The following ISG20L2 variants were observed in gnomAD, a reference collection of about 807,000 sequenced individuals.
The protein encoded by ISG20L2 is interferon stimulated exonuclease gene 20 like 2.
Under a neutral mutation model 27.8 loss-of-function variants are expected in ISG20L2, and 14 were observed. The ratio of observed to expected loss-of-function variants is 0.50; its 90% CI spans 0.33 to 0.79. The LOEUF is 0.79. Ranked by LOEUF, ISG20L2 falls within the 30% of genes least tolerant of loss-of-function variation. The pLI is 0.02. For missense variants in ISG20L2, 393 were observed against 435.1 expected (o/e 0.90, Z 0.86); for synonymous variants, 157 against 165.7 (o/e 0.95, Z 0.40).
In ISG20L2 at chr1:156,724,311, T is replaced by G; in HGVS notation, c.785A>C (p.His262Pro). ...KILTGKIVVG[H>P]AIHNDFKALQ... ...GGCTTTGAAGTCGTTGTGGATGGCA[T>G]GCCCCACCACTATCTTCCCTGTGAG... The change falls in exon 3 of 4, where the codon CAT becomes CCT. Residue 262 changes from histidine (H) to proline (P), a missense_variant. By Grantham distance (77) the His-to-Pro change is moderately conservative. Transcript: ENST00000368219. The G allele has an allele frequency of 6.2e-7, 1 of 1,613,516 alleles. No individual in the cohort carries two copies. Among genetic ancestry groups the G allele is most frequent in the Non-Finnish European group, 8.5e-7 (1 of 1,179,512 alleles).
In ISG20L2 at chr1:156,724,159, G is replaced by C. The variant is rs771338416; in HGVS notation, c.937C>G (p.Arg313Gly). The C allele has an allele frequency of 6.2e-7, 1 of 1,613,730 alleles. No homozygotes were observed. Among genetic ancestry groups the C allele is most frequent in the Admixed American group, 1.7e-5 (1 of 59,974 alleles). The part of the protein sequence containing the change: ...LKHLTKKLLN[R>G]DIQVGKSGHS... Reference sequence around the variant, plus strand: ...TGGGGAGATGCTACCTGGATATCCCGGTTTAGCAGCTTCTTGGTGAGATGC... The same window carrying C: ...TGGGGAGATGCTACCTGGATATCCCCGTTTAGCAGCTTCTTGGTGAGATGC... The change falls in exon 3 of 4, where the codon CGG becomes GGG. Residue 313 changes from arginine (R) to glycine (G), a missense_variant. Around this residue, in one of 3 missense-constraint regions of ISG20L2, gnomAD observed 171 missense variants for 195.3 expected, o/e 0.88. Transcript: ENST00000368219.
In ISG20L2 at chr1:156,727,710, A is replaced by G; in HGVS notation, c.-58T>C. The G allele has an allele frequency of 5.8e-6, 9 of 1,559,974 alleles. No homozygotes were observed. The highest frequency in any genetic ancestry group is 7.8e-6 in the Non-Finnish European group (9 of 1,160,150). ...AGAGTGGCTTATGGATGAAAAGAGG[A>G]TGTGGGACTCATTCTCTGCTGAATC... On this transcript the variant is annotated 5_prime_UTR_variant, in exon 2 of 4. Transcript: ENST00000368219.
rs954493872 is a variant in ISG20L2 at position 156,728,557 on chromosome 1, C to G, written c.-260G>C. 1 of 985,208 alleles carries G rather than the reference C, an allele frequency of 1.0e-6. No homozygotes were observed. Among genetic ancestry groups the G allele is most frequent in the Non-Finnish European group, 1.2e-6 (1 of 829,782 alleles). 61.0% of individuals were successfully genotyped at this position (985,208 alleles called of 1,614,324 possible). A position where few individuals can be genotyped will look rare whatever the true frequency, so the allele number is the denominator to read the frequency against. ...GCGCACACCCGCACCGCCCCGACCC[C>G]AGGTAGTGAGGCCAGTGATTCCGAG... On this transcript the variant is annotated 5_prime_UTR_variant, in exon 1 of 4. Coordinates refer to ENST00000368219, the MANE Select transcript of ISG20L2 (RefSeq NM_001370150.2).
intron 1 of ISG20L2, 134 bp downstream of exon 1, chr1:156,728,281 G>A (rs1269619430): frequency 1.0e-5 from 10 of 985,740 alleles, no homozygotes; most frequent in Non-Finnish European, 1.1e-5. Flanking sequence ...TCTCACCCAA[G>A]TCCTTCTCCC....
chr1:156,728,482 G>C lies in ISG20L2; in HGVS notation c.-185C>G, dbSNP rs1356611928. ...GATGCGGAAATCGGTGCGCGCCGAC[G>C]AAGCCCGGGAAGGCAGGCGCGCGGG... On this transcript the variant is annotated 5_prime_UTR_variant, in exon 1 of 4. Coordinates refer to ENST00000368219, the MANE Select transcript of ISG20L2 (RefSeq NM_001370150.2). 5 of 985,640 alleles carry C rather than the reference G, an allele frequency of 5.1e-6. No homozygotes were observed. The highest frequency in any genetic ancestry group is 6.0e-6 in the Non-Finnish European group (5 of 829,936). The allele number at this position is 985,640 out of a possible 1,614,324, so 61.1% of individuals were successfully genotyped here. A position where few individuals can be genotyped will look rare whatever the true frequency, so the allele number is the denominator to read the frequency against.
Position 156,727,111 on chromosome 1 carries a change from G to T in ISG20L2, c.542C>A (p.Ala181Glu). Residue 181 changes from alanine (A) to glutamate (E), a missense_variant, in exon 2 of 4, where the codon GCA becomes GAA. Ala to Glu is a moderately radical substitution (Grantham distance 107). Transcript: ENST00000368219. ...TGTGCCCACCATCTCACAGTCAATTGCCACCATCTTCCGTGGCAACTTCTG... is the reference window on the plus strand; with the variant it reads ...TGTGCCCACCATCTCACAGTCAATTTCCACCATCTTCCGTGGCAACTTCTG... ...ASQKLPRKMVAIDCEMVGTGP... is the reference protein window; with the variant it reads ...ASQKLPRKMVEIDCEMVGTGP... 6.2e-7 allele frequency: 1 copy of T among 1,614,158 alleles called. No individual in the cohort carries two copies. Among genetic ancestry groups the T allele is most frequent in the Non-Finnish European group, 8.5e-7 (1 of 1,180,034 alleles).
Position 156,727,331 on chromosome 1 carries a change from T to G in ISG20L2, c.322A>C (p.Lys108Gln). Residue 108 changes from lysine to glutamine, a missense_variant, in exon 2 of 4, where the codon AAG (lysine) becomes CAG (glutamine). Around this residue, in one of 3 missense-constraint regions of ISG20L2, gnomAD observed 183 missense variants for 168.2 expected, o/e 1.09. Transcript: ENST00000368219. Reference protein sequence around the residue: ...VSWLTPAPSKKADSVAAKVDL... With the variant: ...VSWLTPAPSKQADSVAAKVDL... ...ACTTTAGCAGCAACAGAATCAGCCTTTTTTGAAGGGGCAGGGGTCAACCAA... is the reference window on the plus strand; with the variant it reads ...ACTTTAGCAGCAACAGAATCAGCCTGTTTTGAAGGGGCAGGGGTCAACCAA... The G allele has an allele frequency of 6.2e-7, 1 of 1,614,204 alleles. No homozygotes were observed. Among genetic ancestry groups the G allele is most frequent in the South Asian group, 1.1e-5 (1 of 91,080 alleles).
rs552029975 is a variant in ISG20L2, at chr1:156,723,927, T to C, written c.948+221A>G. The C allele has an allele frequency of 9.9e-6, 13 of 1,315,408 alleles. No homozygotes were observed. The South Asian group carries it at 1.6e-4, about 16-fold the overall frequency. The allele number at this position is 1,315,408 out of a possible 1,614,324, so 81.5% of individuals were successfully genotyped here. ...CCTGCTTTCTTCCTTAGTTAGGGTTTTATATCTACTTAGGACTTTTTCCCT... is the reference window on the plus strand; with the variant it reads ...CCTGCTTTCTTCCTTAGTTAGGGTTCTATATCTACTTAGGACTTTTTCCCT... On this transcript the variant is annotated intron_variant, in intron 3 of 3. Coordinates refer to ENST00000368219, the MANE Select transcript of ISG20L2 (RefSeq NM_001370150.2).
At chr1:156,728,308 A>G (rs1648907718) in intron 1 of ISG20L2, 107 bp downstream of exon 1, 1 of 985,646 alleles carries the variant, frequency 1.0e-6, no homozygotes, top group Admixed American at 6.1e-5. Flanking sequence ...GGACCTTGAC[A>G]CCATCTACCA....
Position 156,727,575 on chromosome 1 carries a change from T to G in ISG20L2, c.78A>C (p.Arg26=), listed in dbSNP as rs1648849835. 6.2e-7 allele frequency: 1 copy of G among 1,614,102 alleles called. No individual in the cohort carries two copies. The change falls in exon 2 of 4, where the codon CGA becomes CGC. Residue 26 remains arginine (R), a synonymous_variant. Transcript: ENST00000368219. ...KKALEGNAKH[R]NFVKKRRLLE... is the part of the protein sequence containing the mutation. ...AGAGCCTCCGCTTCTTGACAAAATT[T>G]CGGTGCTTGGCATTTCCTTCTAATG... is the stretch of plus-strand genomic sequence containing the variant.
At chr1:156,728,359 T>C in intron 1 of ISG20L2, 56 bp downstream of exon 1, 37 of 985,704 alleles carry the variant, frequency 3.8e-5, no homozygotes, top group Non-Finnish European at 4.3e-5. Flanking sequence ...CCCACCTGGA[T>C]AAGCATACTT....
Position 156,728,487 on chromosome 1 carries a change from C to T in ISG20L2, c.-190G>A, listed in dbSNP as rs542253646. 4.1e-6 allele frequency: 4 copies of T among 985,646 alleles called. No individual in the cohort carries two copies. The highest frequency in any genetic ancestry group is 3.5e-5 in the African/African-American group (2 of 57,370). The allele number at this position is 985,646 out of a possible 1,614,324, so 61.1% of individuals were successfully genotyped here. A position where few individuals can be genotyped will look rare whatever the true frequency, so the allele number is the denominator to read the frequency against. Reference sequence around the variant, plus strand: ...GGAAATCGGTGCGCGCCGACGAAGCCCGGGAAGGCAGGCGCGCGGGTTAGA... The same window carrying T: ...GGAAATCGGTGCGCGCCGACGAAGCTCGGGAAGGCAGGCGCGCGGGTTAGA... On this transcript the variant is annotated 5_prime_UTR_variant, in exon 1 of 4. Transcript: ENST00000368219.
Position 156,728,395 on chromosome 1 carries a change from T to G in ISG20L2, c.-118+20A>C. ...CGGATCCCCGCGGTACAGATCGATC[T>G]CTCACGCTCACAAACCTACCTCCCA... On this transcript the variant is annotated intron_variant, in intron 1 of 3. Transcript: ENST00000368219. 1.0e-6 allele frequency: 1 copy of G among 985,568 alleles called. No individual in the cohort carries two copies. The highest frequency in any genetic ancestry group is 1.2e-6 in the Non-Finnish European group (1 of 829,956). 61.1% of individuals were successfully genotyped at this position (985,568 alleles called of 1,614,324 possible). A position where few individuals can be genotyped will look rare whatever the true frequency, so the allele number is the denominator to read the frequency against.
chr1:156,726,891 C>A lies in ISG20L2; in HGVS notation c.747+15G>T, dbSNP rs1237717169. The A allele has an allele frequency of 5.6e-6, 9 of 1,603,520 alleles. No homozygotes were observed. Among genetic ancestry groups the A allele is most frequent in the South Asian group, 2.2e-5 (2 of 89,710 alleles). ...CATCCACCTCCCTGCCACCATCAAG[C>A]CCCATGCTTCTTACCTGGCCTCGAG... On this transcript the variant is annotated intron_variant, in intron 2 of 3. Coordinates refer to ENST00000368219, the MANE Select transcript of ISG20L2 (RefSeq NM_001370150.2).
Position 156,727,123 on chromosome 1 carries a change from C to T in ISG20L2, c.530G>A (p.Arg177Gln), listed in dbSNP as rs776453196. ...KCSGASQKLP[R>Q]KMVAIDCEMV... The stretch of plus-strand genomic sequence containing the variant: ...CTCACAGTCAATTGCCACCATCTTC[C>T]GTGGCAACTTCTGGGATGCTCCGGA... The change falls in exon 2 of 4, where the codon CGG becomes CAG. Residue 177 changes from arginine (R) to glutamine (Q), a missense_variant. This residue lies in a region of ISG20L2 where 39 missense variants were observed against 71.6 expected (regional missense o/e 0.54). Transcript: ENST00000368219. The T allele has an allele frequency of 1.6e-5, 26 of 1,614,040 alleles. No homozygotes were observed. The highest frequency in any genetic ancestry group is 1.2e-4 in the South Asian group (11 of 91,082).
rs373192482 is a variant in ISG20L2 at position 156,728,615 on chromosome 1, G to A, written c.-318C>T. On this transcript the variant is annotated 5_prime_UTR_variant, in exon 1 of 4. Coordinates refer to ENST00000368219, the MANE Select transcript of ISG20L2 (RefSeq NM_001370150.2). ...GGAGCGGCAGTGGCGGCGGAGGAGG[G>A]GGCGGCGTGGGTGGGGGCGGGGGCG... is the stretch of plus-strand genomic sequence containing the variant. The A allele has an allele frequency of 1.0e-6, 1 of 985,420 alleles. No homozygotes were observed. 61.0% of individuals were successfully genotyped at this position (985,420 alleles called of 1,614,324 possible).
At chr1:156,724,369 G>C in intron 2 of ISG20L2, 21 bp from the exon 3 acceptor site, 3 of 1,589,502 alleles carry the variant, frequency 1.9e-6, no homozygotes, top group East Asian at 2.2e-5. Context: ...TGTGGGAAGA[G>C]AGTGGTGAGA....
At chr1:156,728,199 C>A in intron 1 of ISG20L2, 3 of 986,042 alleles carry the variant, frequency 3.0e-6, no homozygotes, top group Non-Finnish European at 3.6e-6. Flanking sequence ...CGTGGACCAC[C>A]AATAGAGACA....
chr1:156,728,001 C>T lies in ISG20L2; in HGVS notation c.-117-232G>A, dbSNP rs1648884615. 7.6e-6 allele frequency: 8 copies of T among 1,047,650 alleles called. No homozygotes were observed. In the South Asian group the frequency reaches 2.1e-4, roughly 27 times the overall value. The allele number at this position is 1,047,650 out of a possible 1,614,324, so 64.9% of individuals were successfully genotyped here. On this transcript the variant is annotated intron_variant, in intron 1 of 3. Coordinates refer to ENST00000368219, the MANE Select transcript of ISG20L2 (RefSeq NM_001370150.2). The stretch of plus-strand genomic sequence containing the variant: ...TTTGGTCTTAGTAAGGTCATTACCG[C>T]GCTCTAGGTTTGAGTCTCATTTGTA...
Sources: gnomAD v4.1 joint callset for allele counts on GRCh38, gnomAD v4.1.1 for gene constraint, gnomAD v4.1.1 regional missense constraint, MANE v1.5 for transcripts, NCBI Gene and HGNC (gene_info 2026-07-23, HGNC 2026-07-21) for gene names.